Variants in SLC4A10 observed in about 807,000 individuals in gnomAD.
SLC4A10 encodes the protein solute carrier family 4 member 10.
SLC4A10 carries 42 observed loss-of-function variants against 137.7 expected under a neutral mutation model. The observed-to-expected ratio is 0.30, with a 90% CI of 0.24 to 0.39. The LOEUF is 0.39. Ranked by LOEUF, SLC4A10 falls within the 10% of genes least tolerant of loss-of-function variation. The probability of loss-of-function intolerance (pLI) is 1.00; values close to 1 mark genes in which losing one functional copy is unlikely to be tolerated. For missense variants in SLC4A10, 925 were observed against 1,355.0 expected, an observed-to-expected ratio of 0.68 and a Z score of 4.98; for synonymous variants, 474 against 464.1, an observed-to-expected ratio of 1.02 and a Z score of -0.27.
chr2:161,725,010 A>G (rs1305329461), intron 1 of SLC4A10, among the ~76,000 whole-genome samples: 2 of 152,194 alleles, frequency 1.3e-5, no homozygotes, highest in Admixed American at 6.5e-5. Context: ...CATAACTTAT[A>G]TGGTGCTTGG....
intron 5 of SLC4A10, among the ~76,000 whole-genome samples, chr2:161,862,193 T>C (rs2125887814): frequency 6.6e-6 from 1 of 152,298 alleles, no homozygotes; most frequent in Middle Eastern, 3.4e-3. Context: ...CAGTCTTTGT[T>C]TTGCAGGTAT....
At chr2:161,823,861 A>G (rs2057824340) in intron 3 of SLC4A10, among the ~76,000 whole-genome samples, 1 of 152,226 alleles carries the variant, frequency 6.6e-6, no homozygotes, top group African/African-American at 2.4e-5. Context: ...AGAAAGGAAT[A>G]GGCTAACTAC....
intron 5 of SLC4A10, among the ~76,000 whole-genome samples, chr2:161,862,404 C>T (rs1027694514): frequency 6.6e-6 from 1 of 151,932 alleles, no homozygotes; most frequent in Non-Finnish European, 1.5e-5. Context: ...TTAGTCTGTA[C>T]TAGAAAATGG....
chr2:161,782,982 A>G (rs376398640), intron 2 of SLC4A10, among the ~76,000 whole-genome samples: 2 of 151,350 alleles, frequency 1.3e-5, no homozygotes, highest in African/African-American at 4.9e-5. Context: ...GGAAATGTGT[A>G]ATCCAAGGAC....
At chr2:161,871,250 G>A (rs2061098688) in intron 6 of SLC4A10, among the ~76,000 whole-genome samples, 1 of 151,718 alleles carries the variant, frequency 6.6e-6, no homozygotes, top group African/African-American at 2.4e-5. Flanking sequence ...AATAAAATTG[G>A]GATTTAGGTA....
intron 19 of SLC4A10, among the ~76,000 whole-genome samples, chr2:161,953,613 A>C (rs1695171745): frequency 6.6e-6 from 1 of 152,076 alleles, no homozygotes; most frequent in Non-Finnish European, 1.5e-5. Context: ...GTCTCAAAAA[A>C]AAAAAATGTT....
chr2:161,818,511 T>C (rs1174881960), intron 3 of SLC4A10, among the ~76,000 whole-genome samples: 1 of 152,178 alleles, frequency 6.6e-6, no homozygotes, highest in East Asian at 1.9e-4. Flanking sequence ...CTTCCAACAC[T>C]ATGTTGAATA....
At chr2:161,729,313 C>G (rs1036954883) in intron 1 of SLC4A10, among the ~76,000 whole-genome samples, 1 of 152,078 alleles carries the variant, frequency 6.6e-6, no homozygotes, top group Non-Finnish European at 1.5e-5. Context: ...AACGCCTCCC[C>G]CAACCAAACT....
intron 1 of SLC4A10, chr2:161,708,715 G>A (rs2043954001): frequency 6.5e-7 from 1 of 1,527,628 alleles, no homozygotes; most frequent in Non-Finnish European, 8.8e-7. Flanking sequence ...CTGAGACATA[G>A]AGATGGCTGT....
At chr2:161,919,538 C>G (rs1575640716) in intron 15 of SLC4A10, among the ~76,000 whole-genome samples, 1 of 152,188 alleles carries the variant, frequency 6.6e-6, no homozygotes, top group South Asian at 2.1e-4. Context: ...CAGAAAGCAG[C>G]TACCCTCACT....
intron 1 of SLC4A10, among the ~76,000 whole-genome samples, chr2:161,756,265 A>G (rs968485416): frequency 2.6e-5 from 4 of 152,184 alleles, no homozygotes; most frequent in Non-Finnish European, 4.4e-5. Flanking sequence ...AAAATTATTT[A>G]TATTAGTGAG....
At chr2:161,848,428 G>A (rs916851271) in intron 4 of SLC4A10, among the ~76,000 whole-genome samples, 4 of 151,972 alleles carry the variant, frequency 2.6e-5, no homozygotes, top group Middle Eastern at 3.2e-3. Flanking sequence ...ATTGCTTTTG[G>A]CATCTTCATC....
At chr2:161,959,981 A>G (rs1204779749) in intron 21 of SLC4A10, among the ~76,000 whole-genome samples, 1 of 152,058 alleles carries the variant, frequency 6.6e-6, no homozygotes, top group African/African-American at 2.4e-5. Flanking sequence ...GAAATAGACT[A>G]TTTGCCTATG....
intron 4 of SLC4A10, among the ~76,000 whole-genome samples, chr2:161,854,034 A>C (rs2059969969): frequency 6.6e-6 from 1 of 152,194 alleles, no homozygotes; most frequent in Non-Finnish European, 1.5e-5. Context: ...TATAATATAG[A>C]GGATTTGAAT....
At chr2:161,672,319 A>G (rs1027236013) in intron 1 of SLC4A10, among the ~76,000 whole-genome samples, 6 of 152,164 alleles carry the variant, frequency 3.9e-5, no homozygotes, top group Non-Finnish European at 5.9e-5. Flanking sequence ...AGAAATATCT[A>G]AAGAGTGACT....
chr2:161,958,598 C>T (rs1231787915), intron 21 of SLC4A10, 43 bp downstream of exon 21: 11 of 1,436,194 alleles, frequency 7.7e-6, no homozygotes, highest in Non-Finnish European at 6.8e-6. Flanking sequence ...TGATGACTGA[C>T]CTTAAGGTCT....
At chr2:161,859,799 A>G (rs1268375341) in intron 5 of SLC4A10, among the ~76,000 whole-genome samples, 1 of 151,394 alleles carries the variant, frequency 6.6e-6, no homozygotes, top group Admixed American at 6.6e-5. Flanking sequence ...ACGGGGTTTC[A>G]CCGTGTTAGC....
At chr2:161,749,290 A>G (rs752900029) in intron 1 of SLC4A10, among the ~76,000 whole-genome samples, 15 of 151,866 alleles carry the variant, frequency 9.9e-5, no homozygotes, top group Non-Finnish European at 2.9e-5. Flanking sequence ...TGCTCTTGCT[A>G]CTATTTTCAG....
chr2:161,818,187 G>T (rs1036496000), intron 3 of SLC4A10, among the ~76,000 whole-genome samples: 10 of 152,080 alleles, frequency 6.6e-5, no homozygotes, highest in Non-Finnish European at 1.2e-4. Flanking sequence ...CCTTGACGAG[G>T]TCCTTCGCAT....
Sources: gnomAD v4.1 joint callset for allele counts (sites outside exome capture counted in the v4.1 genomes callset) on GRCh38, gnomAD v4.1.1 for gene constraint, MANE v1.5 for transcripts, NCBI Gene and HGNC (gene_info 2026-07-23, HGNC 2026-07-21) for gene names.